GALNTL6: variants seen among roughly 807,000 people sequenced by gnomAD.
GALNTL6 encodes polypeptide N-acetylgalactosaminyltransferase-like 6.
A neutral mutation model predicts 73.7 loss-of-function variants in GALNTL6; 46 were observed. The observed-to-expected ratio is 0.62, with a 90% CI of 0.49 to 0.80. The LOEUF is 0.80. GALNTL6 is among the 30% of genes least tolerant of loss of function. The probability of loss-of-function intolerance (pLI) is 0.00; values close to 1 mark genes in which losing one functional copy is unlikely to be tolerated. For synonymous variants in GALNTL6, 259 were observed against 263.7 expected (o/e 0.98, Z 0.17); for missense variants, 604 against 755.0 (o/e 0.80, Z 2.34).
intron 2 of GALNTL6, among the ~76,000 whole-genome samples, chr4:171,816,618 C>G (rs1260028291): frequency 1.3e-5 from 2 of 151,818 alleles, no homozygotes; most frequent in Admixed American, 1.3e-4. Flanking sequence ...AAATAAGCCC[C>G]AAAATGAATG....
intron 5 of GALNTL6, among the ~76,000 whole-genome samples, chr4:172,467,605 C>T (rs1234285872): frequency 2.0e-5 from 3 of 152,058 alleles, no homozygotes; most frequent in African/African-American, 7.3e-5. Flanking sequence ...GGCACACTGT[C>T]AATTATACCA....
chr4:172,010,104 TAG>T (rs918831074), intron 2 of GALNTL6, among the ~76,000 whole-genome samples: 7 of 152,098 alleles, frequency 4.6e-5, no homozygotes, highest in Admixed American at 3.9e-4. Context: ...CTAGAAAGGA[TAG>T]AGTTTACTAA....
chr4:172,388,933 T>A (rs1743569117), intron 5 of GALNTL6, among the ~76,000 whole-genome samples: 1 of 152,230 alleles, frequency 6.6e-6, no homozygotes, highest in Non-Finnish European at 1.5e-5. Context: ...GCTATATCTA[T>A]ATCTATATCT....
intron 2 of GALNTL6, among the ~76,000 whole-genome samples, chr4:171,941,212 G>A (rs1370222541): frequency 6.6e-6 from 1 of 152,310 alleles, no homozygotes; most frequent in Non-Finnish European, 1.5e-5. Flanking sequence ...TGTATTGTGA[G>A]TGAAGCTTGA....
chr4:172,445,709 G>A (rs1247369318), intron 5 of GALNTL6, among the ~76,000 whole-genome samples: 1 of 152,070 alleles, frequency 6.6e-6, no homozygotes, highest in East Asian at 1.9e-4. Flanking sequence ...TTTTTACTGA[G>A]AGCTAATTAT....
intron 11 of GALNTL6, among the ~76,000 whole-genome samples, chr4:173,019,795 A>G (rs75589402): frequency 6.6e-6 from 1 of 152,182 alleles, no homozygotes; most frequent in East Asian, 1.9e-4. Context: ...TCATTTCTTG[A>G]GACCACTTAA....
At chr4:172,371,253 C>T (rs1424610804) in intron 5 of GALNTL6, among the ~76,000 whole-genome samples, 1 of 152,172 alleles carries the variant, frequency 6.6e-6, no homozygotes, top group Admixed American at 6.5e-5. Flanking sequence ...GAAAGGAGTT[C>T]CTCCTATGTC....
chr4:171,831,491 G>A (rs1035404654), intron 2 of GALNTL6, among the ~76,000 whole-genome samples: 4 of 151,740 alleles, frequency 2.6e-5, no homozygotes, highest in East Asian at 1.9e-4. Context: ...CTAGCACTAC[G>A]GTCAACTTTT....
At chr4:172,600,977 A>T (rs1009002967) in intron 5 of GALNTL6, among the ~76,000 whole-genome samples, 2 of 152,106 alleles carry the variant, frequency 1.3e-5, no homozygotes, top group African/African-American at 2.4e-5. Flanking sequence ...AAAAACAAAA[A>T]CAAAAAAAAA....
At position 172,372,889 on chromosome 4, in the gene GALNTL6, A is replaced by G. The variant is rs182029765; in HGVS notation, c.553+24200A>G. Among the ~76,000 whole-genome samples, 12 of 152,312 alleles carry G rather than the reference A, an allele frequency of 7.9e-5. No individual in the cohort carries two copies. The East Asian group carries it at 2.3e-3, about 29-fold the overall frequency. The stretch of plus-strand genomic sequence containing the variant: ...TGTCTTAGGGCAAGGATAAGCCAGT[A>G]TAGGCTGTATTCATTCCTTGCTGAG... On this transcript the variant is annotated intron_variant, in intron 5 of 12. Coordinates refer to ENST00000506823, the MANE Select transcript of GALNTL6 (RefSeq NM_001034845.3).
At chr4:172,011,996 G>T (rs546707404) in intron 2 of GALNTL6, among the ~76,000 whole-genome samples, 2 of 151,904 alleles carry the variant, frequency 1.3e-5, no homozygotes, top group African/African-American at 2.4e-5. Flanking sequence ...GTGCAAGCCT[G>T]CTTATTGATT....
At chr4:171,830,009 CACAG>C (rs1248199259) in intron 2 of GALNTL6, among the ~76,000 whole-genome samples, 1 of 151,784 alleles carries the variant, frequency 6.6e-6, no homozygotes, top group African/African-American at 2.4e-5. Flanking sequence ...GATTAAAAGA[CACAG>C]ACAGAATATG....
chr4:172,140,839 T>C (rs1733780446), intron 2 of GALNTL6, among the ~76,000 whole-genome samples: 1 of 152,040 alleles, frequency 6.6e-6, no homozygotes. Context: ...TTGTTTGTTT[T>C]CTATCAAGTA....
At chr4:172,685,437 C>A (rs1732861213) in intron 5 of GALNTL6, among the ~76,000 whole-genome samples, 1 of 152,120 alleles carries the variant, frequency 6.6e-6, no homozygotes. Context: ...ACTCATTTAT[C>A]TGTTCACTAC....
chr4:172,002,376 C>T (rs1434746894), intron 2 of GALNTL6, among the ~76,000 whole-genome samples: 1 of 152,100 alleles, frequency 6.6e-6, no homozygotes, highest in African/African-American at 2.4e-5. Flanking sequence ...AGTGAAAAGA[C>T]AGCTGTCTAT....
In GALNTL6 at chr4:172,634,917, G is replaced by A. The variant is rs73869574; in HGVS notation, c.554-174444G>A. 8.6e-3 allele frequency among the ~76,000 whole-genome samples: 1,304 copies of A among 152,246 alleles called. 17 individuals carry two copies. The highest frequency in any genetic ancestry group is 0.026 in the African/African-American group (1,094 of 41,566). On this transcript the variant is annotated intron_variant, in intron 5 of 12. Transcript: ENST00000506823. The stretch of plus-strand genomic sequence containing the variant: ...ACTAAAAGAAAATATCTGAGCATCA[G>A]CTGTATTATATTCAAAGAGCCAACT...
At chr4:172,279,464 T>C (rs1253752426) in intron 3 of GALNTL6, among the ~76,000 whole-genome samples, 1 of 152,120 alleles carries the variant, frequency 6.6e-6, no homozygotes, top group Non-Finnish European at 1.5e-5. Context: ...CAAAAATATG[T>C]TCTACATCAC....
intron 11 of GALNTL6, among the ~76,000 whole-genome samples, chr4:173,015,231 A>G (rs1409257296): frequency 1.3e-5 from 2 of 152,220 alleles, no homozygotes; most frequent in Admixed American, 6.5e-5. Context: ...TAGCAGCATG[A>G]GAACAGACTA....
At chr4:172,479,353 A>G (rs1355011332) in intron 5 of GALNTL6, among the ~76,000 whole-genome samples, 2 of 152,232 alleles carry the variant, frequency 1.3e-5, no homozygotes, top group East Asian at 3.8e-4. Flanking sequence ...TTATAAATAT[A>G]TGCACACATA....
Sources: allele counts gnomAD v4.1 joint callset (sites outside exome capture counted in the v4.1 genomes callset), GRCh38; gene constraint gnomAD v4.1.1; transcripts MANE v1.5; gene names NCBI Gene and HGNC (gene_info 2026-07-23, HGNC 2026-07-21).